CCDC171: variants seen among roughly 807,000 people sequenced by gnomAD.
CCDC171 encodes coiled-coil domain-containing protein 171.
CCDC171 carries 177 observed loss-of-function variants against 168.2 expected under a neutral mutation model. That is an observed-to-expected ratio of 1.05 (90% CI 0.93 to 1.19). The LOEUF is 1.19. Among genes scored for constraint, CCDC171 ranks in the 50% most tolerant of loss-of-function variants. The pLI is 0.00. For missense variants in CCDC171, 1,991 were observed against 1,539.0 expected (o/e 1.29, Z -4.91); for synonymous variants, 687 against 540.8 (o/e 1.27, Z -3.75).
At chr9:16,004,081 G>A (rs1407333902) in intron 3 of CCDC171, among the ~76,000 whole-genome samples, 1 of 152,190 alleles carries the variant, frequency 6.6e-6, no homozygotes, top group Non-Finnish European at 1.5e-5. Context: ...GCTGGGATCA[G>A]AAAGGAACAC....
At chr9:15,635,135 T>C (rs375181571) in intron 7 of CCDC171, among the ~76,000 whole-genome samples, 16 of 152,210 alleles carry the variant, frequency 1.1e-4, no homozygotes, top group African/African-American at 3.6e-4. Context: ...GTTAGGAGAA[T>C]TGACTTACAC....
chr9:15,918,593 G>A (rs1254812598), intron 24 of CCDC171, among the ~76,000 whole-genome samples: 2 of 151,630 alleles, frequency 1.3e-5, no homozygotes, highest in Non-Finnish European at 3.0e-5. Flanking sequence ...GTTTGTATTA[G>A]TATTAGCTAT....
chr9:16,083,477 T>C, the CCDC171 span, among the ~76,000 whole-genome samples: 1 of 152,234 alleles, frequency 6.6e-6, no homozygotes, highest in Non-Finnish European at 1.5e-5. Flanking sequence ...TCAAGAATTG[T>C]TCCTTACATT....
At chr9:15,572,609 C>T (rs958320269) in intron 3 of CCDC171, among the ~76,000 whole-genome samples, 84 of 152,248 alleles carry the variant, frequency 5.5e-4, no homozygotes, top group African/African-American at 1.8e-3. Context: ...GTTTTTCTTC[C>T]CTTTTTGCTA....
intron 3 of CCDC171, among the ~76,000 whole-genome samples, chr9:16,009,379 A>T (rs1225626854): frequency 6.6e-6 from 1 of 152,156 alleles, no homozygotes; most frequent in Non-Finnish European, 1.5e-5. Flanking sequence ...CTGTTATTAA[A>T]CCTAGTATAC....
chr9:15,848,467 A>G (rs892055532), intron 22 of CCDC171, among the ~76,000 whole-genome samples: 1 of 151,958 alleles, frequency 6.6e-6, no homozygotes, highest in African/African-American at 2.4e-5. Flanking sequence ...TTTGCATAGC[A>G]TGGTCATTTA....
intron 21 of CCDC171, among the ~76,000 whole-genome samples, chr9:15,785,114 A>G (rs919700535): frequency 2.6e-5 from 4 of 152,148 alleles, no homozygotes; most frequent in Non-Finnish European, 4.4e-5. Context: ...ATAAGTACAT[A>G]TTTGGGGAGA....
At chr9:15,801,629 C>T (rs548431888) in intron 21 of CCDC171, among the ~76,000 whole-genome samples, 12 of 151,958 alleles carry the variant, frequency 7.9e-5, no homozygotes, top group South Asian at 2.1e-4. Context: ...TTTGATTGCT[C>T]GAGCTAGGAC....
chr9:15,614,239 A>G (rs1020706281), intron 6 of CCDC171, among the ~76,000 whole-genome samples: 30 of 152,154 alleles, frequency 2.0e-4, no homozygotes, highest in Admixed American at 3.9e-4. Flanking sequence ...CAAAGGCTAT[A>G]TATGTGCCTG....
At chr9:15,889,288 C>T (rs933660327) in intron 24 of CCDC171, among the ~76,000 whole-genome samples, 5 of 151,958 alleles carry the variant, frequency 3.3e-5, no homozygotes, top group African/African-American at 1.2e-4. Flanking sequence ...CACATTGGTT[C>T]CAAGGGTTTC....
At chr9:15,776,237 T>C (rs1280542013) in intron 18 of CCDC171, 1 of 152,198 alleles carries the variant, frequency 6.6e-6, no homozygotes, top group African/African-American at 2.4e-5. Context: ...GCCATGCTAA[T>C]CTTCTCTGTA....
intron 18 of CCDC171, among the ~76,000 whole-genome samples, chr9:15,771,261 C>T (rs561272290): frequency 6.6e-6 from 1 of 152,158 alleles, no homozygotes; most frequent in South Asian, 2.1e-4. Flanking sequence ...GTATATTTTA[C>T]ATTTAGAAAG....
intron 20 of CCDC171, among the ~76,000 whole-genome samples, chr9:15,780,255 C>G (rs1056104080): frequency 6.6e-6 from 1 of 152,102 alleles, no homozygotes; most frequent in African/African-American, 2.4e-5. Flanking sequence ...TGTCTAAAGA[C>G]ACCATAATTT....
intron 7 of CCDC171, among the ~76,000 whole-genome samples, chr9:15,651,825 G>GTTGTTTGT (rs151208170): frequency 1.3e-5 from 2 of 151,944 alleles, no homozygotes; most frequent in African/African-American, 4.8e-5. Context: ...TTTCTATGAA[G>GTTGTTTGT]TTGTTTGTTT....
intron 25 of CCDC171, among the ~76,000 whole-genome samples, chr9:15,957,891 A>T (rs1281077193): frequency 4.6e-5 from 7 of 152,158 alleles, no homozygotes; most frequent in Admixed American, 3.3e-4. Context: ...TGCAATAATT[A>T]TAGCCACCAG....
chr9:15,973,841 G>A lies in CCDC171; in HGVS notation c.*2005G>A, dbSNP rs553631245. 6.6e-6 allele frequency: 1 copy of A among 152,138 alleles called. No individual in the cohort carries two copies. The highest frequency in any genetic ancestry group is 1.9e-4 in the East Asian group (1 of 5,172). The allele number at this position is 152,138 out of a possible 1,614,324, so 9.4% of individuals were successfully genotyped here. A position where few individuals can be genotyped will look rare whatever the true frequency, so the allele number is the denominator to read the frequency against. On this transcript the variant is annotated 3_prime_UTR_variant, in exon 26 of 26. Coordinates refer to ENST00000380701, the MANE Select transcript of CCDC171 (RefSeq NM_173550.4). Reference sequence around the variant, plus strand: ...TACAATTCTCACTAGAGAAGAACAAGGTTACTATATGTAACCTCTATGTCT... The same window carrying A: ...TACAATTCTCACTAGAGAAGAACAAAGTTACTATATGTAACCTCTATGTCT...
chr9:15,755,895 C>A (rs886541168), intron 18 of CCDC171, among the ~76,000 whole-genome samples: 2 of 152,094 alleles, frequency 1.3e-5, no homozygotes, highest in Non-Finnish European at 2.9e-5. Context: ...TTGCACAACT[C>A]TGTGAGTATA....
rs2052499624 is a variant in CCDC171 at position 15,709,550 on chromosome 9, G to T, written c.1319-12219G>T. On this transcript the variant is annotated intron_variant, in intron 11 of 25. Coordinates refer to ENST00000380701, the MANE Select transcript of CCDC171 (RefSeq NM_173550.4). ...AAATGAAACAAATGTAATAATTGAA[G>T]ACATAATTCAAAAATACTTGTTTGA... Among the ~76,000 whole-genome samples, 3 of 152,082 alleles carry T rather than the reference G, an allele frequency of 2.0e-5. No homozygotes were observed. In the South Asian group the frequency reaches 6.2e-4, roughly 31 times the overall value.
chr9:16,010,334 T>G (rs960474159), intron 3 of CCDC171, among the ~76,000 whole-genome samples: 2 of 152,200 alleles, frequency 1.3e-5, no homozygotes, highest in Non-Finnish European at 2.9e-5. Context: ...CTGAATATTT[T>G]TAATACCCAG....
Sources: allele counts gnomAD v4.1 joint callset (sites outside exome capture counted in the v4.1 genomes callset), GRCh38; gene constraint gnomAD v4.1.1; transcripts MANE v1.5; gene names NCBI Gene and HGNC (gene_info 2026-07-23, HGNC 2026-07-21).